SPG7: variants seen among roughly 807,000 people sequenced by gnomAD.
SPG7 encodes the protein mitochondrial inner membrane m-AAA protease component paraplegin.
SPG7 carries 103 observed loss-of-function variants against 81.9 expected under a neutral mutation model. That is an observed-to-expected ratio of 1.26 (90% CI 1.07 to 1.48). The LOEUF (loss-of-function observed/expected upper bound fraction) is 1.48. Among genes scored for constraint, SPG7 ranks in the 40% most tolerant of loss-of-function variants. SPG7 has a pLI of 0.00. For synonymous variants in SPG7, 534 were observed against 444.2 expected, an observed-to-expected ratio of 1.20 and a Z score of -2.54; for missense variants, 1,241 against 1,087.3, an observed-to-expected ratio of 1.14 and a Z score of -1.99.
At chr16:89,528,705 C>T (rs1035760896) in intron 5 of SPG7, 1 of 151,470 alleles carries the variant, frequency 6.6e-6, no homozygotes, top group African/African-American at 2.4e-5. Flanking sequence ...CTCCCAGGAT[C>T]AGTGATTCTC....
chr16:89,530,141 TC>T (rs1306510706), intron 6 of SPG7: 51 of 248,834 alleles, frequency 2.0e-4, no homozygotes, highest in Admixed American at 8.1e-4. Flanking sequence ...ACCTGGCCTT[TC>T]TTTTTTGTGT....
chr16:89,553,549 G>T, intron 14 of SPG7: 1 of 567,518 alleles, frequency 1.8e-6, no homozygotes, highest in Non-Finnish European at 3.2e-6. Context: ...CTGCCATGCA[G>T]TGAGCTCCAG....
intron 10 of SPG7, chr16:89,545,637 T>G (rs412420): frequency 4.1e-6 from 1 of 242,794 alleles, no homozygotes; most frequent in Non-Finnish European, 8.1e-6. Context: ...CTCCAGGGGA[T>G]GGCAGCTTCT....
In SPG7 at chr16:89,546,718, T is replaced by G. The variant is rs374758720; in HGVS notation, c.1510T>G (p.Phe504Val). The change falls in exon 11 of 17, where the codon TTT (phenylalanine) becomes GTT (valine). Residue 504 changes from phenylalanine (F) to valine (V), a missense_variant. Transcript: ENST00000645818. The stretch of plus-strand genomic sequence containing the variant: ...CCTGAAGCTGACCCAGTCCAGCACC[T>G]TTTACTCCCAGCGTCTGGCAGAGCT... ...KSLKLTQSST[F>V]YSQRLAELTP... 8 of 1,612,620 alleles carry G rather than the reference T, an allele frequency of 5.0e-6. No individual in the cohort carries two copies. Among genetic ancestry groups the G allele is most frequent in the Non-Finnish European group, 6.8e-6 (8 of 1,178,880 alleles).
intron 9 of SPG7, chr16:89,537,552 G>A (rs1290630755): frequency 1.0e-6 from 1 of 991,654 alleles, no homozygotes; most frequent in African/African-American, 1.7e-5. Context: ...TTTCTTCAGA[G>A]ACAGGGTGTC....
At position 89,524,153 on chromosome 16, in the gene SPG7, T is replaced by C. The variant is rs149797758; in HGVS notation, c.524T>C (p.Leu175Pro). 2.5e-6 allele frequency: 4 copies of C among 1,614,122 alleles called. No individual in the cohort carries two copies. The highest frequency in any genetic ancestry group is 3.4e-6 in the Non-Finnish European group (4 of 1,180,026). ...TGGAACGACTTTGTCCACGAGATGC[T>C]GGCCAAGGGCGAGGTGCAGCGCGTC... Reference protein sequence around the residue: ...ISWNDFVHEMLAKGEVQRVQV... With the variant: ...ISWNDFVHEMPAKGEVQRVQV... Residue 175 changes from leucine (L) to proline (P), a missense_variant, in exon 4 of 17, where the codon CTG (leucine) becomes CCG (proline). Coordinates refer to ENST00000645818, the MANE Select transcript of SPG7 (RefSeq NM_003119.4).
chr16:89,549,545 C>G (rs1447411118), intron 12 of SPG7: 1 of 302,478 alleles, frequency 3.3e-6, no homozygotes, highest in African/African-American at 2.2e-5. Context: ...GAGCACACCT[C>G]TGGTCTCAGC....
intron 9 of SPG7, chr16:89,541,874 A>G (rs2058500205): frequency 6.6e-6 from 1 of 151,294 alleles, no homozygotes. Flanking sequence ...CTGAAACCAC[A>G]TGTCCCTGAC....
intron 15 of SPG7, among the ~76,000 whole-genome samples, chr16:89,554,206 A>G (rs1374727787): frequency 1.3e-5 from 2 of 150,774 alleles, no homozygotes; most frequent in African/African-American, 2.4e-5. Context: ...AAATACACCG[A>G]GCAATAGACC....
At chr16:89,552,760 C>T in intron 13 of SPG7, 2 of 591,450 alleles carry the variant, frequency 3.4e-6, no homozygotes, top group East Asian at 3.0e-5. Flanking sequence ...TGAGAAGACA[C>T]TTCCCGGCAG....
At chr16:89,539,003 G>C (rs1434807594) in intron 9 of SPG7, 1 of 149,834 alleles carries the variant, frequency 6.7e-6, no homozygotes, top group Non-Finnish European at 1.5e-5. Flanking sequence ...TAAGGGGTGG[G>C]AGCTCAGGGC....
At chr16:89,555,559 G>A (rs941218255) in intron 16 of SPG7, 9 of 240,020 alleles carry the variant, frequency 3.7e-5, no homozygotes, top group African/African-American at 9.0e-5. Context: ...TGTCCTTTCC[G>A]GTCTTGGGAG....
In SPG7 at chr16:89,537,007, C is replaced by A. The variant is rs371438038; in HGVS notation, c.1324+4371C>A. The stretch of plus-strand genomic sequence containing the variant: ...CCTCTCTGTGCCATCATAAGAATAG[C>A]TGCTTCCGCCCCCGGATTTGCTCAG... On this transcript the variant is annotated intron_variant, in intron 9 of 16. Transcript: ENST00000645818. 3.7e-5 allele frequency: 59 copies of A among 1,612,570 alleles called. No individual in the cohort carries two copies. The East Asian group carries it at 4.0e-4, about 11-fold the overall frequency.
At chr16:89,539,142 C>T (rs192043085) in intron 9 of SPG7, 41 of 152,304 alleles carry the variant, frequency 2.7e-4, no homozygotes, top group African/African-American at 9.9e-4. Flanking sequence ...TCTATGTGTC[C>T]CTTGTCCTTT....
chr16:89,515,706 A>AT (rs200009191), intron 3 of SPG7, among the ~76,000 whole-genome samples: 15 of 143,520 alleles, frequency 1.0e-4, no homozygotes, highest in African/African-American at 4.1e-4. Context: ...TATTACTATT[A>AT]TTATTATTAT....
chr16:89,545,379 G>A (rs141846872), intron 10 of SPG7: 176 of 201,584 alleles, frequency 8.7e-4, no homozygotes, highest in Non-Finnish European at 1.5e-3. Context: ...GAGGGCCTCC[G>A]GGTCTGCTGG....
At chr16:89,517,594 G>GCAT (rs1351745899) in intron 3 of SPG7, 1 of 151,608 alleles carries the variant, frequency 6.6e-6, no homozygotes, top group East Asian at 1.9e-4. Context: ...TGTCTCTCCT[G>GCAT]CATCTGAGTA....
intron 3 of SPG7, chr16:89,518,444 C>G (rs550568098): frequency 6.6e-6 from 1 of 152,030 alleles, no homozygotes; most frequent in South Asian, 2.1e-4. Flanking sequence ...AAAAAGGCTC[C>G]GCTCACTGAT....
chr16:89,531,973 T>C lies in SPG7; in HGVS notation c.1057T>C (p.Cys353Arg). 1 of 1,613,906 alleles carries C rather than the reference T, an allele frequency of 6.2e-7. No individual in the cohort carries two copies. The highest frequency in any genetic ancestry group is 8.5e-7 in the Non-Finnish European group (1 of 1,179,836). The change falls in exon 8 of 17, where the codon TGT (cysteine) becomes CGT (arginine). Residue 353 changes from cysteine (C) to arginine (R), a missense_variant. Transcript: ENST00000645818. ...CGCACTGCTGCTCGGCCCCCCCGGC[T>C]GTGGGAAGACGCTGCTGGCCAAGGC... ...KGALLLGPPGCGKTLLAKAVA... is the reference protein window; with the variant it reads ...KGALLLGPPGRGKTLLAKAVA...
Sources: allele counts gnomAD v4.1 joint callset (sites outside exome capture counted in the v4.1 genomes callset), GRCh38; gene constraint gnomAD v4.1.1; transcripts MANE v1.5; gene names NCBI Gene and HGNC (gene_info 2026-07-23, HGNC 2026-07-21).